Variants in SLC35F4 observed in about 807,000 individuals in gnomAD.
SLC35F4 encodes chromosome 14 open reading frame 36.
SLC35F4 carries 24 observed loss-of-function variants against 44.2 expected under a neutral mutation model. That is an observed-to-expected ratio of 0.54 (90% CI 0.39 to 0.76). The LOEUF is 0.76. Ranked by LOEUF, SLC35F4 falls within the 30% of genes least tolerant of loss-of-function variation. The pLI is 0.00. For synonymous variants in SLC35F4, 238 were observed against 223.6 expected, an observed-to-expected ratio of 1.06 and a Z score of -0.57; for missense variants, 562 against 586.1, an observed-to-expected ratio of 0.96 and a Z score of 0.42.
At chr14:57,771,282 C>T (rs866167504) in intron 1 of SLC35F4, among the ~76,000 whole-genome samples, 14 of 152,136 alleles carry the variant, frequency 9.2e-5, no homozygotes, top group African/African-American at 2.9e-4. Flanking sequence ...ATCATAGTTC[C>T]GTTTAATATG....
intron 6 of SLC35F4, 67 bp from the exon 7 acceptor site, chr14:57,566,631 G>C: frequency 7.0e-7 from 1 of 1,438,270 alleles, no homozygotes; most frequent in South Asian, 1.2e-5. Flanking sequence ...TCTCCTTATA[G>C]TAAATGAATC....
chr14:57,857,542 A>C (rs1245128331), intron 1 of SLC35F4, among the ~76,000 whole-genome samples: 1 of 152,060 alleles, frequency 6.6e-6, no homozygotes, highest in African/African-American at 2.4e-5. Context: ...ATGGAACTAA[A>C]TATTTCATTC....
At chr14:57,655,050 C>T (rs1008234947) in intron 1 of SLC35F4, among the ~76,000 whole-genome samples, 4 of 152,066 alleles carry the variant, frequency 2.6e-5, no homozygotes, top group African/African-American at 7.2e-5. Context: ...GAAATATCTC[C>T]ACCATCTCAG....
rs2074830719 is a variant in SLC35F4, at chr14:57,679,828, A to T, written c.104-85704T>A. 2.0e-5 allele frequency among the ~76,000 whole-genome samples: 3 copies of T among 152,086 alleles called. No homozygotes were observed. In the South Asian group the frequency reaches 6.2e-4, roughly 31 times the overall value. On this transcript the variant is annotated intron_variant, in intron 1 of 7. Transcript: ENST00000556826. ...ACCCTCCCAAGACCAAACCAAGAAGAAGTCGAATCCCTGAATCGACCAATA... is the reference window on the plus strand; with the variant it reads ...ACCCTCCCAAGACCAAACCAAGAAGTAGTCGAATCCCTGAATCGACCAATA...
At chr14:57,720,219 T>C (rs919582232) in intron 1 of SLC35F4, among the ~76,000 whole-genome samples, 1 of 152,190 alleles carries the variant, frequency 6.6e-6, no homozygotes, top group Non-Finnish European at 1.5e-5. Context: ...TAATGTATTG[T>C]TGAATTTGGT....
At chr14:57,663,451 A>G (rs928413602) in intron 1 of SLC35F4, among the ~76,000 whole-genome samples, 1 of 152,176 alleles carries the variant, frequency 6.6e-6, no homozygotes, top group Non-Finnish European at 1.5e-5. Context: ...TCCTACTGCC[A>G]AAGCCTCATA....
chr14:57,599,768 C>G (rs1243500677), intron 1 of SLC35F4, among the ~76,000 whole-genome samples: 1 of 147,746 alleles, frequency 6.8e-6, no homozygotes, highest in Non-Finnish European at 1.5e-5. Context: ...CGCCATTGCA[C>G]TCCAGCCTGG....
intron 1 of SLC35F4, among the ~76,000 whole-genome samples, chr14:57,716,675 G>A (rs938784950): frequency 1.3e-5 from 2 of 152,122 alleles, no homozygotes; most frequent in Non-Finnish European, 2.9e-5. Flanking sequence ...AATGTGTAAT[G>A]ATCAAATTAG....
At chr14:57,708,423 T>C (rs2075731817) in intron 1 of SLC35F4, among the ~76,000 whole-genome samples, 1 of 152,218 alleles carries the variant, frequency 6.6e-6, no homozygotes, top group South Asian at 2.1e-4. Flanking sequence ...TCTGTGTGAA[T>C]TACTCTTTCT....
chr14:57,596,623 A>G (rs746408250), intron 1 of SLC35F4: 17 of 489,710 alleles, frequency 3.5e-5, no homozygotes, highest in Non-Finnish European at 6.5e-5. Flanking sequence ...AAAAGGAGAA[A>G]GTCTAGAAAT....
chr14:57,809,435 T>C (rs182078298), intron 1 of SLC35F4, among the ~76,000 whole-genome samples: 1,578 of 152,270 alleles, frequency 0.01, 16 homozygotes, highest in South Asian at 0.014. Context: ...TCTTTTGGTC[T>C]GTGCAGTGGC....
chr14:57,689,149 A>G (rs907030263), intron 1 of SLC35F4, among the ~76,000 whole-genome samples: 1 of 152,168 alleles, frequency 6.6e-6, no homozygotes, highest in Non-Finnish European at 1.5e-5. Context: ...AAAATGAACT[A>G]ACTTCTCCTC....
At chr14:57,729,084 T>G (rs2076284025) in intron 1 of SLC35F4, among the ~76,000 whole-genome samples, 1 of 152,184 alleles carries the variant, frequency 6.6e-6, no homozygotes, top group African/African-American at 2.4e-5. Flanking sequence ...TAGGATCCTT[T>G]CTTTATCCTC....
intron 1 of SLC35F4, chr14:57,602,365 G>A (rs887264694): frequency 1.3e-5 from 2 of 152,062 alleles, no homozygotes; most frequent in African/African-American, 4.8e-5. Flanking sequence ...ATTTCGGGAA[G>A]GCAAAATTGG....
At chr14:57,776,449 G>C (rs753343800) in intron 1 of SLC35F4, among the ~76,000 whole-genome samples, 8 of 152,092 alleles carry the variant, frequency 5.3e-5, no homozygotes, top group Non-Finnish European at 7.4e-5. Flanking sequence ...GGCGGATCAC[G>C]AGGTCAGGAG....
intron 1 of SLC35F4, among the ~76,000 whole-genome samples, chr14:57,681,416 A>G (rs1017454302): frequency 1.3e-5 from 2 of 152,112 alleles, no homozygotes; most frequent in Admixed American, 1.3e-4. Context: ...ACCCATAAAA[A>G]CCCTAGAAGA....
rs75470122 is a variant in SLC35F4 at position 57,671,629 on chromosome 14, G to A, written c.104-77505C>T. Among the ~76,000 whole-genome samples the A allele has an allele frequency of 6.8e-3, 1,039 of 152,094 alleles. 23 individuals are homozygous for A. Among genetic ancestry groups the A allele is most frequent in the African/African-American group, 0.024 (988 of 41,416 alleles). Reference sequence around the variant, plus strand: ...CTTGGGTGGGATTCTGATATTTGCTGACTTCAAGTGAGACTCAGTACATAA... The same window carrying A: ...CTTGGGTGGGATTCTGATATTTGCTAACTTCAAGTGAGACTCAGTACATAA... On this transcript the variant is annotated intron_variant, in intron 1 of 7. Transcript: ENST00000556826.
At chr14:57,673,477 C>A (rs1951748) in intron 1 of SLC35F4, among the ~76,000 whole-genome samples, 2 of 151,878 alleles carry the variant, frequency 1.3e-5, no homozygotes, top group East Asian at 3.9e-4. Context: ...TCCAGGTATG[C>A]ATTAAAGGTG....
chr14:57,577,165 T>C (rs1003916438), intron 4 of SLC35F4, among the ~76,000 whole-genome samples: 2 of 152,192 alleles, frequency 1.3e-5, no homozygotes, highest in African/African-American at 4.8e-5. Flanking sequence ...TAATATTTAA[T>C]ATCAGCATAA....
Sources: gnomAD v4.1 joint callset for allele counts (sites outside exome capture counted in the v4.1 genomes callset) on GRCh38, gnomAD v4.1.1 for gene constraint, MANE v1.5 for transcripts, NCBI Gene and HGNC (gene_info 2026-07-23, HGNC 2026-07-21) for gene names.